RHOU: variants seen among roughly 807,000 people sequenced by gnomAD.
The protein encoded by RHOU is ras homolog family member U, also known as rho-related GTP-binding protein RhoU.
A neutral mutation model predicts 12.6 loss-of-function variants in RHOU; 8 were observed. The observed-to-expected ratio is 0.64, with a 90% CI of 0.37 to 1.15. RHOU has a LOEUF of 1.15. Among genes scored for constraint, RHOU ranks in the 50% most tolerant of loss-of-function variants. The probability of loss-of-function intolerance (pLI) is 0.01; values close to 1 mark genes in which losing one functional copy is unlikely to be tolerated. For missense variants in RHOU, 258 were observed against 347.0 expected (o/e 0.74, Z 2.04); for synonymous variants, 161 against 147.4 (o/e 1.09, Z -0.67).
At chr1:228,696,672 C>G in the RHOU span, among the ~76,000 whole-genome samples, 1 of 152,092 alleles carries the variant, frequency 6.6e-6, no homozygotes, top group Non-Finnish European at 1.5e-5. Flanking sequence ...CTCAGCCTCC[C>G]TAGTAGCTGG....
At chr1:228,691,924 C>T in the RHOU span, among the ~76,000 whole-genome samples, 1 of 152,112 alleles carries the variant, frequency 6.6e-6, no homozygotes, top group African/African-American at 2.4e-5. Context: ...TCATATTATC[C>T]AAAGTTTATT....
the RHOU span, among the ~76,000 whole-genome samples, chr1:228,678,724 T>A: frequency 6.6e-6 from 1 of 151,994 alleles, no homozygotes; most frequent in South Asian, 2.1e-4. Context: ...AGGCAATGAG[T>A]TTGGCTTGCT....
chr1:228,740,345 A>T (rs1302293112), intron 2 of RHOU, among the ~76,000 whole-genome samples: 1 of 152,204 alleles, frequency 6.6e-6, no homozygotes, highest in Non-Finnish European at 1.5e-5. Flanking sequence ...TTAGAAGAGT[A>T]TACCCAATTA....
At chr1:228,665,078 A>G in the RHOU span, among the ~76,000 whole-genome samples, 1 of 152,236 alleles carries the variant, frequency 6.6e-6, no homozygotes, top group African/African-American at 2.4e-5. Context: ...TACAAATAAG[A>G]AAACTGAAAC....
the RHOU span, among the ~76,000 whole-genome samples, chr1:228,666,688 TG>T: frequency 6.6e-6 from 1 of 152,108 alleles, no homozygotes; most frequent in Admixed American, 6.6e-5. Context: ...ACTGAAGACT[TG>T]AAAGTCCCCA....
the RHOU span, among the ~76,000 whole-genome samples, chr1:228,721,310 T>A: frequency 6.6e-6 from 1 of 152,098 alleles, no homozygotes; most frequent in Admixed American, 6.6e-5. Context: ...AAAATAAAAA[T>A]AAAAAATAGA....
chr1:228,648,648 G>T, the RHOU span, among the ~76,000 whole-genome samples: 1 of 152,010 alleles, frequency 6.6e-6, no homozygotes, highest in Admixed American at 6.5e-5. Flanking sequence ...TTCTGAACTC[G>T]GTTTTTCTTG....
At chr1:228,678,152 T>G in the RHOU span, among the ~76,000 whole-genome samples, 1 of 152,056 alleles carries the variant, frequency 6.6e-6, no homozygotes, top group Non-Finnish European at 1.5e-5. Flanking sequence ...GATGGAACAC[T>G]GAGAAGTGAT....
At chr1:228,718,668 A>G in the RHOU span, among the ~76,000 whole-genome samples, 1 of 152,238 alleles carries the variant, frequency 6.6e-6, no homozygotes, top group Non-Finnish European at 1.5e-5. Flanking sequence ...CATATGCAGA[A>G]TAAGTACAAG....
At chr1:228,675,522 C>T in the RHOU span, among the ~76,000 whole-genome samples, 1 of 152,204 alleles carries the variant, frequency 6.6e-6, no homozygotes, top group African/African-American at 2.4e-5. Flanking sequence ...AGGCAAAGTA[C>T]ATACCGCTCC....
the RHOU span, among the ~76,000 whole-genome samples, chr1:228,667,018 A>G: frequency 0.18 from 27,798 of 152,084 alleles, 2,757 homozygotes; most frequent in East Asian, 0.35. Context: ...ATTATTTTTT[A>G]ACTATCGAAA....
the RHOU span, among the ~76,000 whole-genome samples, chr1:228,691,093 T>G: frequency 3.3e-5 from 5 of 152,162 alleles, no homozygotes; most frequent in Admixed American, 6.5e-5. Flanking sequence ...TAATTTTTTT[T>G]TTTTTAAATA....
chr1:228,716,743 C>CGTAT, the RHOU span, among the ~76,000 whole-genome samples: 1 of 58,278 alleles, frequency 1.7e-5, no homozygotes, highest in African/African-American at 2.1e-4. Flanking sequence ...TACATATACA[C>CGTAT]ACACATGTGT....
At chr1:228,701,729 C>T in the RHOU span, among the ~76,000 whole-genome samples, 1 of 151,436 alleles carries the variant, frequency 6.6e-6, no homozygotes, top group Non-Finnish European at 1.5e-5. Flanking sequence ...ATTCTTTTAT[C>T]GTAAAATAAT....
At chr1:228,664,456 A>G in the RHOU span, among the ~76,000 whole-genome samples, 1 of 152,134 alleles carries the variant, frequency 6.6e-6, no homozygotes, top group South Asian at 2.1e-4. Flanking sequence ...TCAGAAACGT[A>G]TTCTGAGAAA....
the RHOU span, among the ~76,000 whole-genome samples, chr1:228,695,927 G>A: frequency 6.6e-6 from 1 of 152,158 alleles, no homozygotes; most frequent in African/African-American, 2.4e-5. Flanking sequence ...GATCTTTCAG[G>A]TGACCAGTCC....
At chr1:228,648,872 C>CTT in the RHOU span, among the ~76,000 whole-genome samples, 109 of 151,104 alleles carry the variant, frequency 7.2e-4, no homozygotes, top group African/African-American at 2.5e-3. Flanking sequence ...TTCTTTCTTT[C>CTT]TTTCTTTCTT....
the RHOU span, among the ~76,000 whole-genome samples, chr1:228,692,149 G>T: frequency 6.6e-6 from 1 of 152,178 alleles, no homozygotes; most frequent in Non-Finnish European, 1.5e-5. Context: ...TGGTGCCCAA[G>T]ATATTTTAAA....
chr1:228,694,942 A>G, the RHOU span, among the ~76,000 whole-genome samples: 2 of 152,154 alleles, frequency 1.3e-5, no homozygotes, highest in Non-Finnish European at 2.9e-5. Context: ...AAACAATAGG[A>G]GGAATATAAA....
Sources: allele counts gnomAD v4.1 joint callset (sites outside exome capture counted in the v4.1 genomes callset), GRCh38; gene constraint gnomAD v4.1.1; transcripts MANE v1.5; gene names NCBI Gene and HGNC (gene_info 2026-07-23, HGNC 2026-07-21).